Variants in MED12L observed in about 807,000 individuals in gnomAD.
The protein encoded by MED12L is mediator complex subunit 12L.
Under a neutral mutation model 281.3 loss-of-function variants are expected in MED12L, and 60 were observed. The ratio of observed to expected loss-of-function variants is 0.21; its 90% CI spans 0.17 to 0.26. The LOEUF is 0.26. MED12L is among the 10% of genes least tolerant of loss of function. The probability of loss-of-function intolerance (pLI) is 1.00; values close to 1 mark genes in which losing one functional copy is unlikely to be tolerated. For missense variants in MED12L, 2,146 were observed against 2,680.9 expected, an observed-to-expected ratio of 0.80 and a Z score of 4.41; for synonymous variants, 974 against 987.2, an observed-to-expected ratio of 0.99 and a Z score of 0.25.
intron 11 of MED12L, among the ~76,000 whole-genome samples, chr3:151,175,565 A>C (rs1325767111): frequency 6.6e-6 from 1 of 152,216 alleles, no homozygotes; most frequent in Non-Finnish European, 1.5e-5. Context: ...AGATCTCACC[A>C]TGTACCTCCT....
At chr3:151,114,351 C>G (rs1269559015) in intron 2 of MED12L, among the ~76,000 whole-genome samples, 1 of 152,092 alleles carries the variant, frequency 6.6e-6, no homozygotes, top group African/African-American at 2.4e-5. Flanking sequence ...CAGTGGCCCG[C>G]CAAGGCATTA....
chr3:151,214,944 A>C (rs754195908), intron 16 of MED12L, among the ~76,000 whole-genome samples: 1 of 152,164 alleles, frequency 6.6e-6, no homozygotes, highest in Non-Finnish European at 1.5e-5. Flanking sequence ...GGATTCATAA[A>C]AATCATTATA....
intron 16 of MED12L, among the ~76,000 whole-genome samples, chr3:151,318,023 G>C (rs1284966678): frequency 6.6e-6 from 1 of 151,962 alleles, no homozygotes; most frequent in East Asian, 1.9e-4. Context: ...TGTTTTTACA[G>C]AAAAACAAAT....
chr3:151,408,789 G>T (rs1300783584), intron 39 of MED12L, among the ~76,000 whole-genome samples: 1 of 152,178 alleles, frequency 6.6e-6, no homozygotes, highest in Non-Finnish European at 1.5e-5. Flanking sequence ...GGCTAAATAG[G>T]CAATTAGTAG....
chr3:151,127,022 T>C (rs1005973300), intron 4 of MED12L, among the ~76,000 whole-genome samples: 11 of 152,198 alleles, frequency 7.2e-5, no homozygotes, highest in African/African-American at 2.7e-4. Context: ...ATATAGTCTT[T>C]GTTCACTGTT....
chr3:151,373,683 C>T (rs994638515), intron 27 of MED12L, among the ~76,000 whole-genome samples: 3 of 151,942 alleles, frequency 2.0e-5, no homozygotes, highest in Admixed American at 2.0e-4. Flanking sequence ...ATATACTGTA[C>T]TTAGTTATTT....
chr3:151,351,677 G>A (rs1052247054), intron 17 of MED12L, among the ~76,000 whole-genome samples: 12 of 152,150 alleles, frequency 7.9e-5, no homozygotes, highest in African/African-American at 2.9e-4. Context: ...CTTGGCAATG[G>A]GGTAGGGGGG....
chr3:151,188,590 A>AT, intron 13 of MED12L, 110 bp downstream of exon 13: 1 of 1,168,080 alleles, frequency 8.6e-7, no homozygotes, highest in Non-Finnish European at 1.2e-6. Flanking sequence ...GGCACTGAAT[A>AT]TAATGTATGT....
intron 43 of MED12L, among the ~76,000 whole-genome samples, chr3:151,425,124 A>G (rs1197372912): frequency 6.6e-6 from 1 of 152,234 alleles, no homozygotes; most frequent in Non-Finnish European, 1.5e-5. Flanking sequence ...AAGGGAAAAC[A>G]CAATTCAGGA....
rs529478653 is a variant in MED12L at position 151,405,878 on chromosome 3, A to G, written c.5821-3365A>G. 3.9e-5 allele frequency among the ~76,000 whole-genome samples: 6 copies of G among 152,366 alleles called. No individual in the cohort carries two copies. In the South Asian group the frequency reaches 1.2e-3, roughly 32 times the overall value. ...AGATGGAGCTGACAACTGTGAAGCA[A>G]TTAGAAAGCACTTGGTAAAGTAATT... On this transcript the variant is annotated intron_variant, in intron 39 of 44. Coordinates refer to ENST00000687756, the MANE Select transcript of MED12L (RefSeq NM_001393769.1).
intron 3 of MED12L, among the ~76,000 whole-genome samples, chr3:151,116,714 T>A (rs527573994): frequency 1.3e-5 from 2 of 152,326 alleles, no homozygotes; most frequent in East Asian, 3.9e-4. Context: ...TGACTGCTAT[T>A]CTAGAAGAGC....
At chr3:151,260,254 T>G (rs1458493761) in intron 16 of MED12L, among the ~76,000 whole-genome samples, 1 of 152,210 alleles carries the variant, frequency 6.6e-6, no homozygotes, top group Non-Finnish European at 1.5e-5. Context: ...GACTTTCTGT[T>G]AAGAGTTGAT....
At chr3:151,207,299 G>C (rs1726511586) in intron 16 of MED12L, among the ~76,000 whole-genome samples, 2 of 152,122 alleles carry the variant, frequency 1.3e-5, no homozygotes, top group African/African-American at 4.8e-5. Flanking sequence ...TGCCTCCTGA[G>C]CTCTTATCCT....
At chr3:151,277,446 A>C (rs541853250) in intron 16 of MED12L, among the ~76,000 whole-genome samples, 2 of 152,222 alleles carry the variant, frequency 1.3e-5, no homozygotes, top group Non-Finnish European at 2.9e-5. Flanking sequence ...CTGATTATCA[A>C]GTTTGTATGT....
At chr3:151,284,419 G>A (rs892844378) in intron 16 of MED12L, among the ~76,000 whole-genome samples, 1 of 152,000 alleles carries the variant, frequency 6.6e-6, no homozygotes, top group African/African-American at 2.4e-5. Context: ...TGGTTATCTT[G>A]GTAATTTAAT....
intron 39 of MED12L, among the ~76,000 whole-genome samples, chr3:151,403,591 T>C (rs1715954228): frequency 6.6e-6 from 1 of 152,200 alleles, no homozygotes; most frequent in African/African-American, 2.4e-5. Flanking sequence ...TAAGACTTCA[T>C]CTCTACTGCT....
chr3:151,325,471 G>GT (rs747887575), intron 16 of MED12L, among the ~76,000 whole-genome samples: 16 of 151,650 alleles, frequency 1.1e-4, no homozygotes, highest in South Asian at 4.2e-4. Context: ...GTAGCATCTT[G>GT]TTTTTTTTAA....
intron 39 of MED12L, among the ~76,000 whole-genome samples, chr3:151,403,821 A>G (rs753383301): frequency 2.0e-5 from 3 of 152,204 alleles, no homozygotes; most frequent in Non-Finnish European, 4.4e-5. Context: ...AACTTTGAAA[A>G]TATTTAGGTT....
At chr3:151,147,128 C>T (rs933393832) in intron 5 of MED12L, among the ~76,000 whole-genome samples, 1 of 152,128 alleles carries the variant, frequency 6.6e-6, no homozygotes, top group Admixed American at 6.5e-5. Context: ...TATATAATAA[C>T]ACCCATTTAC....
Sources: allele counts gnomAD v4.1 joint callset (sites outside exome capture counted in the v4.1 genomes callset), GRCh38; gene constraint gnomAD v4.1.1; transcripts MANE v1.5; gene names NCBI Gene and HGNC (gene_info 2026-07-23, HGNC 2026-07-21).